The following MRAP2 variants were observed in gnomAD, a reference collection of about 807,000 sequenced individuals.
The protein encoded by MRAP2 is melanocortin 2 receptor accessory protein 2, also known as melanocortin-2 receptor accessory protein 2.
In MRAP2, 20 loss-of-function variants were observed where a neutral mutation model predicts 17.4. The observed-to-expected ratio is 1.15, with a 90% CI of 0.81 to 1.67. The LOEUF (loss-of-function observed/expected upper bound fraction) is 1.67. Ranked by LOEUF, MRAP2 falls within the 40% of genes most tolerant of loss-of-function variation. The probability of loss-of-function intolerance (pLI) is 0.00; values close to 1 mark genes in which losing one functional copy is unlikely to be tolerated. For synonymous variants in MRAP2, 96 were observed against 88.4 expected (o/e 1.09, Z -0.48); for missense variants, 238 against 240.0 (o/e 0.99, Z 0.05).
chr6:84,058,602 G>A (rs190793131), intron 2 of MRAP2, among the ~76,000 whole-genome samples: 2 of 152,258 alleles, frequency 1.3e-5, no homozygotes, highest in South Asian at 2.1e-4. Context: ...GCATGTAAAC[G>A]GTATGCGTTC....
chr6:84,126,334 A>C, the MRAP2 span: 1 of 1,411,170 alleles, frequency 7.1e-7, no homozygotes, highest in East Asian at 2.6e-5. Context: ...AAAGGCACTT[A>C]AAAGTAAAGA....
At chr6:84,051,638 G>A (rs1266633739) in intron 1 of MRAP2, among the ~76,000 whole-genome samples, 2 of 152,108 alleles carry the variant, frequency 1.3e-5, no homozygotes, top group African/African-American at 4.8e-5. Context: ...CAGGAGGATC[G>A]TTTCAGCCAG....
chr6:84,046,019 A>G (rs562309121), intron 1 of MRAP2, among the ~76,000 whole-genome samples: 70 of 152,236 alleles, frequency 4.6e-4, no homozygotes, highest in Non-Finnish European at 8.1e-4. Flanking sequence ...GGTAGCTCTC[A>G]TGTGAATGCA....
At chr6:84,042,258 A>C (rs111875376) in intron 1 of MRAP2, among the ~76,000 whole-genome samples, 1 of 152,116 alleles carries the variant, frequency 6.6e-6, no homozygotes, top group East Asian at 1.9e-4. Context: ...TCTTAGCCAT[A>C]TTGAACTGTG....
chr6:84,137,209 C>T, the MRAP2 span, among the ~76,000 whole-genome samples: 19 of 152,178 alleles, frequency 1.2e-4, no homozygotes, highest in Non-Finnish European at 2.4e-4. Flanking sequence ...AAGAGAAATG[C>T]GTCATGCTGC....
At chr6:84,140,456 A>C in the MRAP2 span, among the ~76,000 whole-genome samples, 3 of 151,828 alleles carry the variant, frequency 2.0e-5, no homozygotes, top group African/African-American at 7.3e-5. Flanking sequence ...ATCGAGGGAG[A>C]TTTGATCTTT....
At chr6:84,043,754 A>C (rs1007146037) in intron 1 of MRAP2, among the ~76,000 whole-genome samples, 1 of 152,156 alleles carries the variant, frequency 6.6e-6, no homozygotes, top group Non-Finnish European at 1.5e-5. Flanking sequence ...TGAATTCTTT[A>C]AGAGCACAGT....
chr6:84,102,597 C>T, the MRAP2 span, among the ~76,000 whole-genome samples: 8 of 152,164 alleles, frequency 5.3e-5, no homozygotes, highest in Non-Finnish European at 7.3e-5. Flanking sequence ...CTGTGCTGGA[C>T]ATTTGACCTA....
At chr6:84,038,483 C>T (rs760752675) in intron 1 of MRAP2, among the ~76,000 whole-genome samples, 39 of 151,738 alleles carry the variant, frequency 2.6e-4, no homozygotes, top group Non-Finnish European at 5.0e-4. Flanking sequence ...TTTTATATTT[C>T]TTATTTATTT....
the MRAP2 span, among the ~76,000 whole-genome samples, chr6:84,136,033 G>A: frequency 7.2e-5 from 11 of 152,330 alleles, no homozygotes; most frequent in South Asian, 2.1e-3. Flanking sequence ...GGTTAGCACT[G>A]AAGGAGATCC....
chr6:84,046,895 G>C (rs1306525093), intron 1 of MRAP2, among the ~76,000 whole-genome samples: 1 of 151,608 alleles, frequency 6.6e-6, no homozygotes, highest in East Asian at 2.0e-4. Context: ...TCTCCCACCT[G>C]TCTATGACTC....
intron 1 of MRAP2, among the ~76,000 whole-genome samples, chr6:84,050,678 A>G (rs558130196): frequency 6.6e-6 from 1 of 152,290 alleles, no homozygotes; most frequent in Non-Finnish European, 1.5e-5. Context: ...TGTGCGGGGG[A>G]CAGTCATTCC....
intron 1 of MRAP2, among the ~76,000 whole-genome samples, chr6:84,054,320 G>T (rs576808682): frequency 1.3e-4 from 20 of 152,314 alleles, no homozygotes; most frequent in African/African-American, 4.6e-4. Context: ...AACACAGGCT[G>T]CATTGACTTA....
chr6:84,115,595 G>A, the MRAP2 span, among the ~76,000 whole-genome samples: 1 of 151,984 alleles, frequency 6.6e-6, no homozygotes, highest in Admixed American at 6.6e-5. Flanking sequence ...GATCTGTCTC[G>A]CTGGTGTTCC....
chr6:84,140,119 G>A, the MRAP2 span, among the ~76,000 whole-genome samples: 1 of 152,150 alleles, frequency 6.6e-6, no homozygotes, highest in African/African-American at 2.4e-5. Flanking sequence ...ACAAGCATTG[G>A]CTTGTGTCAG....
the MRAP2 span, among the ~76,000 whole-genome samples, chr6:84,134,596 G>T: frequency 1.3e-5 from 2 of 152,060 alleles, no homozygotes; most frequent in African/African-American, 2.4e-5. Flanking sequence ...TTGGCTAGGG[G>T]AGGGAGTTCC....
chr6:84,131,046 G>A, the MRAP2 span, among the ~76,000 whole-genome samples: 1 of 152,070 alleles, frequency 6.6e-6, no homozygotes, highest in Non-Finnish European at 1.5e-5. Context: ...AGAGATTCTG[G>A]TACGTCATGT....
downstream of MRAP2, among the ~76,000 whole-genome samples, chr6:84,093,239 G>A (rs2099502073): frequency 6.7e-6 from 1 of 149,418 alleles, no homozygotes; most frequent in Non-Finnish European, 1.5e-5. Context: ...TAGGAGCAAA[G>A]AGAAAGAGAG....
At position 84,089,805 on chromosome 6, in the gene MRAP2, G is replaced by T. The variant is rs1237846677; in HGVS notation, c.*324G>T. 3 of 229,680 alleles carry T rather than the reference G, an allele frequency of 1.3e-5. No individual in the cohort carries two copies. The highest frequency in any genetic ancestry group is 2.4e-5 in the Non-Finnish European group (3 of 126,836). 14.2% of individuals were successfully genotyped at this position (229,680 alleles called of 1,614,324 possible). A position where few individuals can be genotyped will look rare whatever the true frequency, so the allele number is the denominator to read the frequency against. On this transcript the variant is annotated 3_prime_UTR_variant, in exon 4 of 4. Coordinates refer to ENST00000257776, the MANE Select transcript of MRAP2 (RefSeq NM_138409.4). ...CAAATTTTAAACTTTATTAAAACAT[G>T]AGTTTTGTTTTTTTTTTTGCTATTT...
Sources: gnomAD v4.1 joint callset for allele counts (sites outside exome capture counted in the v4.1 genomes callset) on GRCh38, gnomAD v4.1.1 for gene constraint, MANE v1.5 for transcripts, NCBI Gene and HGNC (gene_info 2026-07-23, HGNC 2026-07-21) for gene names.